TMEM132C: variants seen among roughly 807,000 people sequenced by gnomAD.
TMEM132C encodes transmembrane protein 132C.
TMEM132C carries 29 observed loss-of-function variants against 61.4 expected under a neutral mutation model. That is an observed-to-expected ratio of 0.47 (90% CI 0.35 to 0.64). TMEM132C has a LOEUF of 0.64. Ranked by LOEUF, TMEM132C falls within the 30% of genes least tolerant of loss-of-function variation. The pLI is 0.00. For synonymous variants in TMEM132C, 656 were observed against 633.1 expected, an observed-to-expected ratio of 1.04 and a Z score of -0.54; for missense variants, 1,408 against 1,476.9, an observed-to-expected ratio of 0.95 and a Z score of 0.76.
chr12:128,459,425 T>C (rs1045653197), intron 2 of TMEM132C, among the ~76,000 whole-genome samples: 1 of 152,124 alleles, frequency 6.6e-6, no homozygotes, highest in Admixed American at 6.5e-5. Context: ...ACCAAGGAAG[T>C]GGGCTCTTTA....
At chr12:128,348,270 C>G (rs1409392411) in intron 1 of TMEM132C, among the ~76,000 whole-genome samples, 1 of 152,160 alleles carries the variant, frequency 6.6e-6, no homozygotes, top group Non-Finnish European at 1.5e-5. Flanking sequence ...CCATTGATGC[C>G]TGCATATTGT....
chr12:128,493,685 T>A (rs920715242), intron 2 of TMEM132C, among the ~76,000 whole-genome samples: 2 of 152,230 alleles, frequency 1.3e-5, no homozygotes, highest in Non-Finnish European at 2.9e-5. Context: ...GCTTGTGATT[T>A]TTGCACATTG....
chr12:128,371,741 A>G (rs939941557), intron 1 of TMEM132C, among the ~76,000 whole-genome samples: 23 of 152,060 alleles, frequency 1.5e-4, no homozygotes, highest in Non-Finnish European at 3.1e-4. Context: ...CTGTGCTAAC[A>G]TATTTTTAAA....
chr12:128,513,445 G>A (rs574187898), intron 2 of TMEM132C, among the ~76,000 whole-genome samples: 5 of 152,236 alleles, frequency 3.3e-5, no homozygotes, highest in South Asian at 4.2e-4. Context: ...CCCTGCCCTC[G>A]TCAGGGAGAA....
chr12:128,690,628 G>A (rs796400100), intron 5 of TMEM132C, among the ~76,000 whole-genome samples: 6 of 152,280 alleles, frequency 3.9e-5, no homozygotes, highest in Admixed American at 1.3e-4. Flanking sequence ...ACTCTTGCTC[G>A]ACTGTTGTGC....
intron 2 of TMEM132C, among the ~76,000 whole-genome samples, chr12:128,431,692 T>C (rs1869394685): frequency 6.6e-6 from 1 of 151,474 alleles, no homozygotes; most frequent in Non-Finnish European, 1.5e-5. Flanking sequence ...GGAGTTGGGA[T>C]TACAGGTGCT....
At chr12:128,405,385 G>T (rs1875306182) in intron 1 of TMEM132C, among the ~76,000 whole-genome samples, 1 of 152,160 alleles carries the variant, frequency 6.6e-6, no homozygotes, top group Non-Finnish European at 1.5e-5. Flanking sequence ...GTTCGTCGAG[G>T]AGTCGTTCAT....
At chr12:128,530,371 T>C (rs534929879) in intron 2 of TMEM132C, among the ~76,000 whole-genome samples, 2 of 152,226 alleles carry the variant, frequency 1.3e-5, no homozygotes, top group South Asian at 2.1e-4. Flanking sequence ...TGAAATACTC[T>C]CACCATAGCC....
intron 1 of TMEM132C, among the ~76,000 whole-genome samples, chr12:128,319,603 G>A (rs778605429): frequency 1.3e-5 from 2 of 152,028 alleles, no homozygotes; most frequent in Non-Finnish European, 1.5e-5. Context: ...CGAGATGGGC[G>A]GATCACAGGG....
intron 2 of TMEM132C, among the ~76,000 whole-genome samples, chr12:128,452,981 G>T (rs1870227114): frequency 6.6e-6 from 1 of 152,190 alleles, no homozygotes; most frequent in Non-Finnish European, 1.5e-5. Flanking sequence ...GTAAACTACA[G>T]AAATGGTAGT....
intron 2 of TMEM132C, among the ~76,000 whole-genome samples, chr12:128,535,131 G>C (rs528891853): frequency 2.0e-5 from 3 of 152,152 alleles, no homozygotes; most frequent in African/African-American, 7.2e-5. Flanking sequence ...CCTCAAGCAC[G>C]TCCTGGCCTC....
rs115860287 is a variant in TMEM132C, at chr12:128,347,028, C to T, written c.86-67704C>T. Among the ~76,000 whole-genome samples, 450 of 152,232 alleles carry T rather than the reference C, an allele frequency of 3.0e-3. 4 individuals carry two copies. The highest frequency in any genetic ancestry group is 9.1e-3 in the African/African-American group (376 of 41,546). ...CTGAGATTGTGGTGCACTGGTCACC[C>T]GAGCAGTGTATACTGTACCCAATAT... On this transcript the variant is annotated intron_variant, in intron 1 of 8. Transcript: ENST00000435159.
At chr12:128,505,107 C>A (rs1013188444) in intron 2 of TMEM132C, among the ~76,000 whole-genome samples, 3 of 149,204 alleles carry the variant, frequency 2.0e-5, no homozygotes, top group Admixed American at 6.7e-5. Context: ...CCTTTGGTTG[C>A]AAGCAACAGA....
chr12:128,701,486 G>T (rs975268957), intron 8 of TMEM132C, among the ~76,000 whole-genome samples: 2 of 152,162 alleles, frequency 1.3e-5, no homozygotes, highest in Admixed American at 1.3e-4. Flanking sequence ...TTCAGCTACA[G>T]CTACATGTAG....
intron 1 of TMEM132C, among the ~76,000 whole-genome samples, chr12:128,322,237 G>A (rs1872359158): frequency 6.6e-6 from 1 of 152,192 alleles, no homozygotes; most frequent in Non-Finnish European, 1.5e-5. Context: ...TAGAGAGGCT[G>A]CCTGTAAGTG....
intron 1 of TMEM132C, among the ~76,000 whole-genome samples, chr12:128,413,738 G>T (rs1868650748): frequency 6.6e-6 from 1 of 151,898 alleles, no homozygotes; most frequent in Non-Finnish European, 1.5e-5. Context: ...TTCAAGATCT[G>T]TATATTAGGG....
Position 128,707,096 on chromosome 12 carries a change from A to C in TMEM132C, c.*801A>C, listed in dbSNP as rs1384001687. 1 of 151,460 alleles carries C rather than the reference A, an allele frequency of 6.6e-6. No homozygotes were observed. Among genetic ancestry groups the C allele is most frequent in the African/African-American group, 2.4e-5 (1 of 41,136 alleles). 9.4% of individuals were successfully genotyped at this position (151,460 alleles called of 1,614,324 possible). ...TTGTTGATAGTGGCGGGTTTTGTAC[A>C]ATTGGAGGGAGCCCTCAGAGCCTTC... On this transcript the variant is annotated 3_prime_UTR_variant, in exon 9 of 9. Coordinates refer to ENST00000435159, the MANE Select transcript of TMEM132C (RefSeq NM_001136103.3).
At chr12:128,606,634 C>A (rs1876437421) in intron 3 of TMEM132C, among the ~76,000 whole-genome samples, 1 of 151,090 alleles carries the variant, frequency 6.6e-6, no homozygotes, top group African/African-American at 2.5e-5. Context: ...GCAGAGGGGC[C>A]CCTAGTGTGT....
chr12:128,665,720 TAC>T (rs1954456521), intron 4 of TMEM132C, among the ~76,000 whole-genome samples: 1 of 92,218 alleles, frequency 1.1e-5, no homozygotes. Context: ...CAGGCACTCA[TAC>T]ACAAACACAG....
Sources: gnomAD v4.1 joint callset for allele counts (sites outside exome capture counted in the v4.1 genomes callset) on GRCh38, gnomAD v4.1.1 for gene constraint, MANE v1.5 for transcripts, NCBI Gene and HGNC (gene_info 2026-07-23, HGNC 2026-07-21) for gene names.